PRDM11: variants seen among roughly 807,000 people sequenced by gnomAD.
The protein encoded by PRDM11 is PR/SET domain 11.
Under a neutral mutation model 97.8 loss-of-function variants are expected in PRDM11, and 20 were observed. The ratio of observed to expected loss-of-function variants is 0.20; its 90% CI spans 0.14 to 0.30. The LOEUF (loss-of-function observed/expected upper bound fraction) is 0.30. Ranked by LOEUF, PRDM11 falls within the 10% of genes least tolerant of loss-of-function variation. The probability of loss-of-function intolerance (pLI) is 1.00; values close to 1 mark genes in which losing one functional copy is unlikely to be tolerated. For missense variants in PRDM11, 1,139 were observed against 1,555.2 expected (o/e 0.73, Z 4.50); for synonymous variants, 599 against 637.7 (o/e 0.94, Z 0.91).
intron 1 of PRDM11, among the ~76,000 whole-genome samples, chr11:45,153,540 A>G (rs1383605798): frequency 6.6e-6 from 1 of 152,070 alleles, no homozygotes; most frequent in East Asian, 1.9e-4. Context: ...GACATGGGGG[A>G]GGCATGGGGG....
intron 1 of PRDM11, among the ~76,000 whole-genome samples, chr11:45,167,869 T>A (rs551756681): frequency 1.7e-4 from 26 of 152,102 alleles, no homozygotes; most frequent in Admixed American, 3.9e-4. Flanking sequence ...CTGGAGGTAC[T>A]TATGCATGCT....
chr11:45,223,137 G>A (rs1043611578), intron 6 of PRDM11, among the ~76,000 whole-genome samples: 13 of 152,112 alleles, frequency 8.5e-5, no homozygotes, highest in African/African-American at 1.2e-4. Flanking sequence ...GCAACATGGC[G>A]AAACCCTATC....
chr11:45,139,023 TAATC>T (rs1014580325), intron 1 of PRDM11, among the ~76,000 whole-genome samples: 14 of 152,302 alleles, frequency 9.2e-5, no homozygotes, highest in Admixed American at 1.3e-4. Flanking sequence ...ACAAAGGACA[TAATC>T]AAGCAATTTG....
intron 1 of PRDM11, among the ~76,000 whole-genome samples, chr11:45,120,875 G>A (rs951007607): frequency 4.0e-4 from 61 of 152,094 alleles, no homozygotes; most frequent in African/African-American, 1.5e-3. Context: ...GACAATAATA[G>A]CACAAAGGGC....
At chr11:45,135,277 T>C (rs1852817504) in intron 1 of PRDM11, among the ~76,000 whole-genome samples, 1 of 152,218 alleles carries the variant, frequency 6.6e-6, no homozygotes, top group Non-Finnish European at 1.5e-5. Flanking sequence ...TCTCCATTCC[T>C]AATCATTGTT....
intron 1 of PRDM11, among the ~76,000 whole-genome samples, chr11:45,102,544 A>C (rs565177299): frequency 6.6e-6 from 1 of 152,288 alleles, no homozygotes; most frequent in East Asian, 1.9e-4. Flanking sequence ...GTAGAAGAGC[A>C]ATAACGTCTT....
chr11:45,134,723 A>G (rs1464392403), intron 1 of PRDM11, among the ~76,000 whole-genome samples: 1 of 147,564 alleles, frequency 6.8e-6, no homozygotes, highest in Non-Finnish European at 1.5e-5. Context: ...AAAAAAAAAA[A>G]AAAGAATAGT....
chr11:45,099,799 T>C (rs889165583), intron 1 of PRDM11, among the ~76,000 whole-genome samples: 2 of 152,200 alleles, frequency 1.3e-5, no homozygotes, highest in African/African-American at 4.8e-5. Context: ...TATCAAATAG[T>C]AGGTCTTATG....
upstream of PRDM11, among the ~76,000 whole-genome samples, chr11:45,141,856 C>G (rs1348137093): frequency 6.6e-6 from 1 of 152,138 alleles, no homozygotes; most frequent in African/African-American, 2.4e-5. Context: ...GGTCATGGAC[C>G]AGTGCCTTAC....
Position 45,226,600 on chromosome 11 carries a change from A to G in PRDM11, c.1975A>G (p.Ser659Gly), listed in dbSNP as rs1854279936. The G allele has an allele frequency of 1.3e-6, 2 of 1,533,834 alleles. No individual in the cohort carries two copies. The highest frequency in any genetic ancestry group is 1.7e-6 in the Non-Finnish European group (2 of 1,146,736). ...VERIRQSPCL[S>G]VILDGQSDDL... Reference sequence around the variant, plus strand: ...GCGCATCCGCCAGTCACCTTGCCTCAGCGTCATCCTGGATGGGCAGAGCGA... The same window carrying G: ...GCGCATCCGCCAGTCACCTTGCCTCGGCGTCATCCTGGATGGGCAGAGCGA... Residue 659 changes from serine to glycine, a missense_variant, in exon 8 of 8, where the codon AGC becomes GGC. Ser to Gly is a moderately conservative substitution (Grantham distance 56). Around this residue, in one of 2 missense-constraint regions of PRDM11, gnomAD observed 710 missense variants for 1,044.9 expected, o/e 0.68. Coordinates refer to ENST00000683152, the MANE Select transcript of PRDM11 (RefSeq NM_001384648.1).
chr11:45,129,924 A>G (rs891479655), intron 1 of PRDM11, among the ~76,000 whole-genome samples: 2 of 152,202 alleles, frequency 1.3e-5, no homozygotes, highest in Admixed American at 1.3e-4. Flanking sequence ...TTTGGTGCAA[A>G]GACAGATAAA....
intron 1 of PRDM11, among the ~76,000 whole-genome samples, chr11:45,115,928 C>CAAAA (rs1179136677): frequency 1.8e-5 from 1 of 56,578 alleles, no homozygotes; most frequent in African/African-American, 7.1e-5. Context: ...AACTCCATCT[C>CAAAA]AAAAAAAAAA....
At chr11:45,218,298 A>C (rs1481136116) in intron 5 of PRDM11, among the ~76,000 whole-genome samples, 1 of 152,220 alleles carries the variant, frequency 6.6e-6, no homozygotes, top group Non-Finnish European at 1.5e-5. Context: ...GCACCTGTTA[A>C]TTCTGCATCA....
At chr11:45,096,041 T>C in intron 1 of PRDM11, 1 of 672,314 alleles carries the variant, frequency 1.5e-6, no homozygotes. Flanking sequence ...CGCATTGTCC[T>C]TTCTGTCTAA....
At chr11:45,187,862 C>T (rs900201031) in intron 4 of PRDM11, among the ~76,000 whole-genome samples, 1 of 151,714 alleles carries the variant, frequency 6.6e-6, no homozygotes, top group Non-Finnish European at 1.5e-5. Context: ...GGTTTTTGGC[C>T]TCCACTGGGG....
At chr11:45,213,243 G>T (rs546829589) in intron 5 of PRDM11, 1 of 456,522 alleles carries the variant, frequency 2.2e-6, no homozygotes, top group East Asian at 7.0e-5. Flanking sequence ...CATCTTTGGC[G>T]GATGCTGAAG....
chr11:45,180,074 A>G (rs1565293523), intron 1 of PRDM11, among the ~76,000 whole-genome samples: 1 of 152,250 alleles, frequency 6.6e-6, no homozygotes, highest in Non-Finnish European at 1.5e-5. Context: ...GGTGAAGCCA[A>G]CTTGAAACAC....
At chr11:45,132,369 T>C (rs533632776) in intron 1 of PRDM11, among the ~76,000 whole-genome samples, 3 of 152,290 alleles carry the variant, frequency 2.0e-5, no homozygotes, top group African/African-American at 7.2e-5. Context: ...TAAACCAAGC[T>C]CTGAACTTGC....
intron 1 of PRDM11, among the ~76,000 whole-genome samples, chr11:45,107,553 G>A (rs1250135859): frequency 6.6e-6 from 1 of 152,070 alleles, no homozygotes; most frequent in Non-Finnish European, 1.5e-5. Context: ...GGTGCAGTGG[G>A]AAAGCCAAGA....
Sources: gnomAD v4.1 joint callset for allele counts (sites outside exome capture counted in the v4.1 genomes callset) on GRCh38, gnomAD v4.1.1 for gene constraint, gnomAD v4.1.1 regional missense constraint, MANE v1.5 for transcripts, NCBI Gene and HGNC (gene_info 2026-07-23, HGNC 2026-07-21) for gene names.